The following PALM2AKAP2 variants were observed in gnomAD, a reference collection of about 807,000 sequenced individuals.
PALM2AKAP2 encodes the protein PALM2 and AKAP2 fusion, also known as PALM2-AKAP2 fusion protein.
A neutral mutation model predicts 71.5 loss-of-function variants in PALM2AKAP2; 37 were observed. That is an observed-to-expected ratio of 0.52 (90% CI 0.40 to 0.68). The LOEUF (loss-of-function observed/expected upper bound fraction) is 0.68, where lower values mean the gene tolerates loss of function less well. PALM2AKAP2 is among the 30% of genes least tolerant of loss of function. PALM2AKAP2 has a pLI of 0.00. For synonymous variants in PALM2AKAP2, 468 were observed against 478.8 expected (o/e 0.98, Z 0.29); for missense variants, 1,224 against 1,191.8 (o/e 1.03, Z -0.40).
At chr9:109,663,214 T>C (rs1409184327) in intron 1 of PALM2AKAP2, among the ~76,000 whole-genome samples, 1 of 152,216 alleles carries the variant, frequency 6.6e-6, no homozygotes, top group Non-Finnish European at 1.5e-5. Context: ...TCTTAGTTAT[T>C]TCTTGCCTTC....
chr9:110,120,985 G>A (rs535239006), intron 1 of PALM2AKAP2, among the ~76,000 whole-genome samples: 2 of 152,128 alleles, frequency 1.3e-5, no homozygotes, highest in Non-Finnish European at 2.9e-5. Flanking sequence ...ACATAGCTGA[G>A]GGGTCCATAT....
intron 5 of PALM2AKAP2, among the ~76,000 whole-genome samples, chr9:109,931,066 G>C (rs1054528627): frequency 1.3e-5 from 2 of 152,176 alleles, no homozygotes; most frequent in African/African-American, 4.8e-5. Flanking sequence ...CACATCTCAT[G>C]GTGCCCAGCT....
chr9:109,933,738 C>G (rs1319907129), intron 6 of PALM2AKAP2, among the ~76,000 whole-genome samples: 1 of 152,192 alleles, frequency 6.6e-6, no homozygotes, highest in Non-Finnish European at 1.5e-5. Context: ...ACATATGTTT[C>G]TGCTGATTAG....
chr9:109,892,883 A>G (rs572385425), intron 3 of PALM2AKAP2, among the ~76,000 whole-genome samples: 8 of 152,176 alleles, frequency 5.3e-5, no homozygotes, highest in Non-Finnish European at 7.4e-5. Flanking sequence ...TTTGTGCCCA[A>G]TAGGTTTTGG....
chr9:110,003,381 A>C (rs1832718363), intron 6 of PALM2AKAP2, among the ~76,000 whole-genome samples: 1 of 152,082 alleles, frequency 6.6e-6, no homozygotes, highest in African/African-American at 2.4e-5. Context: ...GTTTGATTGC[A>C]CTGTGGTCTG....
At chr9:109,710,787 G>C (rs1412259497) in intron 1 of PALM2AKAP2, among the ~76,000 whole-genome samples, 2 of 152,194 alleles carry the variant, frequency 1.3e-5, no homozygotes, top group African/African-American at 4.8e-5. Flanking sequence ...CTTTGCTTAA[G>C]CTCAGAAATG....
chr9:109,747,010 G>A (rs78261727), intron 1 of PALM2AKAP2, among the ~76,000 whole-genome samples: 6,509 of 152,286 alleles, frequency 0.043, 192 homozygotes, highest in Non-Finnish European at 0.053. Context: ...TGGAGTATGG[G>A]TAAGAGGGTT....
At chr9:110,026,159 A>C (rs913549644) in intron 7 of PALM2AKAP2, among the ~76,000 whole-genome samples, 3 of 151,996 alleles carry the variant, frequency 2.0e-5, no homozygotes, top group African/African-American at 4.8e-5. Flanking sequence ...GGCTTACTGC[A>C]GCCTCAACCT....
At chr9:109,776,630 G>T (rs915961235), upstream of PALM2AKAP2, among the ~76,000 whole-genome samples, 31 of 152,222 alleles carry the variant, frequency 2.0e-4, no homozygotes, top group African/African-American at 6.3e-4. Flanking sequence ...ATACCTCCCA[G>T]CTTCTACCAC....
intron 1 of PALM2AKAP2, among the ~76,000 whole-genome samples, chr9:110,073,075 T>C (rs544703814): frequency 1.4e-4 from 21 of 152,346 alleles, no homozygotes; most frequent in Middle Eastern, 3.4e-3. Flanking sequence ...TCTACCATTG[T>C]GCTTGCCAGG....
intron 3 of PALM2AKAP2, 64 bp from the exon 10 acceptor site, chr9:110,162,030 T>G (rs1222934652): frequency 1.3e-6 from 2 of 1,589,654 alleles, no homozygotes; most frequent in African/African-American, 2.7e-5. Context: ...TGTTCCCGGC[T>G]AGGGGGTGTT....
intron 1 of PALM2AKAP2, among the ~76,000 whole-genome samples, chr9:109,808,705 A>G (rs1186162496): frequency 6.6e-6 from 1 of 152,232 alleles, no homozygotes; most frequent in Non-Finnish European, 1.5e-5. Context: ...TCACCAAAAC[A>G]ATGGGGAAAA....
At chr9:109,717,838 T>C (rs190348641) in intron 1 of PALM2AKAP2, among the ~76,000 whole-genome samples, 43 of 152,226 alleles carry the variant, frequency 2.8e-4, no homozygotes, top group East Asian at 1.9e-3. Context: ...TGCAAAGTCA[T>C]AGAAACAAAT....
chr9:110,000,046 A>G (rs751327316), intron 6 of PALM2AKAP2, among the ~76,000 whole-genome samples: 1 of 150,906 alleles, frequency 6.6e-6, no homozygotes, highest in African/African-American at 2.4e-5. Flanking sequence ...GTTTTAGGGT[A>G]CATGTGCACA....
chr9:109,871,448 T>G (rs1829600679), intron 2 of PALM2AKAP2, among the ~76,000 whole-genome samples: 1 of 152,128 alleles, frequency 6.6e-6, no homozygotes, highest in Non-Finnish European at 1.5e-5. Context: ...GTAGAACTAG[T>G]AAGCAATTTT....
At chr9:109,762,651 C>T (rs1035469650) in intron 1 of PALM2AKAP2, among the ~76,000 whole-genome samples, 2 of 150,684 alleles carry the variant, frequency 1.3e-5, no homozygotes, top group African/African-American at 5.0e-5. Context: ...AAGTCACTCA[C>T]TGTGAGGCAG....
At chr9:109,814,308 T>A (rs1235762694) in intron 1 of PALM2AKAP2, among the ~76,000 whole-genome samples, 2 of 152,228 alleles carry the variant, frequency 1.3e-5, no homozygotes, top group Non-Finnish European at 2.9e-5. Context: ...TTTAAATATA[T>A]ACTTAATGCA....
intron 1 of PALM2AKAP2, among the ~76,000 whole-genome samples, chr9:110,084,356 G>T (rs1395756064): frequency 6.6e-6 from 1 of 152,134 alleles, no homozygotes; most frequent in African/African-American, 2.4e-5. Context: ...TGAGGGCATA[G>T]ATAGGAAAAA....
intron 1 of PALM2AKAP2, among the ~76,000 whole-genome samples, chr9:109,794,304 C>T (rs1827191247): frequency 6.6e-6 from 1 of 151,918 alleles, no homozygotes; most frequent in African/African-American, 2.4e-5. Flanking sequence ...TTAGGGTTAA[C>T]AGTTTGGCCC....
Sources: allele counts gnomAD v4.1 joint callset (sites outside exome capture counted in the v4.1 genomes callset), GRCh38; gene constraint gnomAD v4.1.1; transcripts MANE v1.5; gene names NCBI Gene and HGNC (gene_info 2026-07-23, HGNC 2026-07-21).